Variants in CDK19 observed in about 807,000 individuals in gnomAD.
CDK19 encodes the protein cyclin dependent kinase 19.
In CDK19, 20 loss-of-function variants were observed where a neutral mutation model predicts 68.3. The observed-to-expected ratio is 0.29, with a 90% CI of 0.21 to 0.43. The LOEUF is 0.43. Among genes scored for constraint, CDK19 ranks in the 20% least tolerant of loss-of-function variants. The pLI is 1.00. For synonymous variants in CDK19, 221 were observed against 222.8 expected, an observed-to-expected ratio of 0.99 and a Z score of 0.07; for missense variants, 339 against 623.5, an observed-to-expected ratio of 0.54 and a Z score of 4.86.
chr6:110,722,884 T>C (rs1776011257), intron 2 of CDK19, among the ~76,000 whole-genome samples: 1 of 151,936 alleles, frequency 6.6e-6, no homozygotes, highest in African/African-American at 2.4e-5. Context: ...AAAGGATTCC[T>C]GATCTTCTAT....
Position 110,794,893 on chromosome 6 carries a change from A to G in CDK19, c.128+20116T>C, listed in dbSNP as rs541106076. ...TTCCTGGTAAATTATATTGTAGAAC[A>G]TATCTTTAACATAAAAGTAGAAAAA... is the stretch of plus-strand genomic sequence containing the variant. On this transcript the variant is annotated intron_variant, in intron 1 of 12. Transcript: ENST00000368911. Among the ~76,000 whole-genome samples the G allele has an allele frequency of 1.1e-3, 174 of 152,298 alleles. 1 individual carries two copies. Among genetic ancestry groups the G allele is most frequent in the African/African-American group, 4.0e-3 (168 of 41,582 alleles).
rs138867196 is a variant in CDK19, at chr6:110,746,207, C to T, written c.129-6G>A. The stretch of plus-strand genomic sequence containing the variant: ...CATATTCCTTTTCATCTTTTCTGCA[C>T]ATAAACAAAAAAACATCATTTTTCC... On this transcript the variant is annotated splice_region_variant and splice_polypyrimidine_tract_variant and intron_variant, in intron 1 of 12. Transcript: ENST00000368911. The T allele has an allele frequency of 2.3e-5, 36 of 1,569,242 alleles. No individual in the cohort carries two copies. The Admixed American group carries it at 2.6e-4, about 11-fold the overall frequency.
intron 4 of CDK19, among the ~76,000 whole-genome samples, chr6:110,647,390 G>T (rs1348720014): frequency 2.0e-5 from 3 of 151,676 alleles, no homozygotes; most frequent in African/African-American, 7.3e-5. Context: ...GTGAAGGGGG[G>T]TGGGGGGGAG....
intron 1 of CDK19, among the ~76,000 whole-genome samples, chr6:110,753,087 C>T (rs1187127150): frequency 6.6e-6 from 1 of 151,700 alleles, no homozygotes; most frequent in Non-Finnish European, 1.5e-5. Flanking sequence ...CTCCACCACA[C>T]CAGGCTAATT....
intron 4 of CDK19, chr6:110,646,412 G>A (rs924676309): frequency 3.2e-5 from 48 of 1,489,990 alleles, no homozygotes; most frequent in Non-Finnish European, 4.1e-5. Context: ...GGCGGGCGGC[G>A]ACATGGCCTT....
chr6:110,803,216 A>G (rs908603680), intron 1 of CDK19, among the ~76,000 whole-genome samples: 3 of 152,058 alleles, frequency 2.0e-5, no homozygotes, highest in African/African-American at 7.2e-5. Context: ...AGTAGCTGGG[A>G]CTACAGGAGC....
chr6:110,800,363 T>C (rs1218100729), intron 1 of CDK19, among the ~76,000 whole-genome samples: 2 of 152,174 alleles, frequency 1.3e-5, no homozygotes, highest in Non-Finnish European at 2.9e-5. Context: ...ACAGTTGAAT[T>C]CTGCCAGACG....
At chr6:110,693,410 T>C (rs1773195027) in intron 2 of CDK19, among the ~76,000 whole-genome samples, 2 of 152,114 alleles carry the variant, frequency 1.3e-5, no homozygotes, top group Non-Finnish European at 2.9e-5. Flanking sequence ...GAAGAAGCAG[T>C]GGAAAGAGCC....
At chr6:110,645,805 G>C (rs1562154813) in intron 4 of CDK19, 1 of 604,556 alleles carries the variant, frequency 1.7e-6, no homozygotes, top group East Asian at 3.6e-5. Flanking sequence ...TGCCTATCTA[G>C]AGACGGAGGG....
chr6:110,705,559 A>T (rs1385233095), intron 2 of CDK19, among the ~76,000 whole-genome samples: 1 of 152,186 alleles, frequency 6.6e-6, no homozygotes, highest in African/African-American at 2.4e-5. Flanking sequence ...AAATAAAAAC[A>T]TTATAAGCGT....
chr6:110,653,703 T>A (rs1228675333), intron 4 of CDK19, among the ~76,000 whole-genome samples: 1 of 152,188 alleles, frequency 6.6e-6, no homozygotes, highest in Non-Finnish European at 1.5e-5. Flanking sequence ...GTCAGGGAAA[T>A]AATGTGATAA....
intron 4 of CDK19, among the ~76,000 whole-genome samples, chr6:110,652,499 ATTT>A: frequency 6.6e-6 from 1 of 152,336 alleles, no homozygotes; most frequent in South Asian, 2.1e-4. Flanking sequence ...AAGCTATCTT[ATTT>A]TTTAATTATT....
intron 6 of CDK19, among the ~76,000 whole-genome samples, chr6:110,629,774 T>C (rs1051472649): frequency 2.0e-5 from 3 of 152,236 alleles, no homozygotes; most frequent in African/African-American, 7.2e-5. Context: ...GATTTGGGGA[T>C]TATTCTTTCT....
chr6:110,770,391 G>T (rs1176075226), intron 1 of CDK19, among the ~76,000 whole-genome samples: 1 of 152,172 alleles, frequency 6.6e-6, no homozygotes, highest in Non-Finnish European at 1.5e-5. Context: ...GGCAGCAAGA[G>T]AAAATGAGAA....
intron 8 of CDK19, among the ~76,000 whole-genome samples, chr6:110,625,613 G>A (rs1562132103): frequency 6.6e-6 from 1 of 152,040 alleles, no homozygotes; most frequent in South Asian, 2.1e-4. Flanking sequence ...TTTGAAACTT[G>A]GAAAAGTGAA....
chr6:110,677,377 C>T (rs977839752), intron 2 of CDK19, among the ~76,000 whole-genome samples: 1 of 151,996 alleles, frequency 6.6e-6, no homozygotes, highest in African/African-American at 2.4e-5. Flanking sequence ...TTCTGGCTAA[C>T]ATGGTGAAAC....
chr6:110,711,156 T>C (rs909365048), intron 2 of CDK19, among the ~76,000 whole-genome samples: 3 of 152,190 alleles, frequency 2.0e-5, no homozygotes, highest in Non-Finnish European at 4.4e-5. Flanking sequence ...AGAGGAATGA[T>C]ACCTACAATA....
chr6:110,632,906 T>A (rs1188096473), intron 5 of CDK19, among the ~76,000 whole-genome samples: 2 of 152,154 alleles, frequency 1.3e-5, no homozygotes, highest in African/African-American at 4.8e-5. Flanking sequence ...TAATAATGAC[T>A]TCTGTATGCT....
At chr6:110,772,573 A>G (rs900854321) in intron 1 of CDK19, among the ~76,000 whole-genome samples, 9 of 152,184 alleles carry the variant, frequency 5.9e-5, no homozygotes, top group African/African-American at 2.2e-4. Flanking sequence ...ATCTATCTAA[A>G]AACTAGTCAC....
Sources: allele counts gnomAD v4.1 joint callset (sites outside exome capture counted in the v4.1 genomes callset), GRCh38; gene constraint gnomAD v4.1.1; transcripts MANE v1.5; gene names NCBI Gene and HGNC (gene_info 2026-07-23, HGNC 2026-07-21).